Variants in TMTC2 observed in about 807,000 individuals in gnomAD.
The protein encoded by TMTC2 is transmembrane O-mannosyltransferase targeting cadherins 2.
TMTC2 carries 43 observed loss-of-function variants against 82.4 expected under a neutral mutation model. That is an observed-to-expected ratio of 0.52 (90% CI 0.41 to 0.67). TMTC2 has a LOEUF of 0.67. Ranked by LOEUF, TMTC2 falls within the 30% of genes least tolerant of loss-of-function variation. The probability of loss-of-function intolerance (pLI) is 0.00; values close to 1 mark genes in which losing one functional copy is unlikely to be tolerated. For synonymous variants in TMTC2, 408 were observed against 381.9 expected (o/e 1.07, Z -0.80); for missense variants, 919 against 1,012.4 (o/e 0.91, Z 1.25).
chr12:82,741,378 T>A (rs941782142), intron 1 of TMTC2, among the ~76,000 whole-genome samples: 4 of 152,196 alleles, frequency 2.6e-5, no homozygotes, highest in Non-Finnish European at 5.9e-5. Context: ...TGGCGTGATC[T>A]TGACTCAGTG....
At chr12:82,689,441 T>C (rs1260374053) in intron 1 of TMTC2, among the ~76,000 whole-genome samples, 2 of 152,212 alleles carry the variant, frequency 1.3e-5, no homozygotes, top group African/African-American at 4.8e-5. Context: ...ATAGAGTTTA[T>C]TTAAAAAAAG....
chr12:82,835,343 T>C (rs889317395), intron 1 of TMTC2, among the ~76,000 whole-genome samples: 19 of 152,232 alleles, frequency 1.2e-4, no homozygotes, highest in African/African-American at 4.6e-4. Context: ...TTGCACTGTA[T>C]TTTGTTGTTG....
chr12:83,109,231 A>G (rs570274220), intron 11 of TMTC2, among the ~76,000 whole-genome samples: 151 of 152,300 alleles, frequency 9.9e-4, no homozygotes, highest in African/African-American at 3.5e-3. Context: ...GGGCCTCAGG[A>G]AACCTTCAAT....
At chr12:82,794,736 T>G (rs1218965103) in intron 1 of TMTC2, among the ~76,000 whole-genome samples, 1 of 152,118 alleles carries the variant, frequency 6.6e-6, no homozygotes, top group South Asian at 2.1e-4. Context: ...CGGAGAGACA[T>G]GCCTTAGCTA....
intron 1 of TMTC2, among the ~76,000 whole-genome samples, chr12:82,826,714 T>C (rs1258979320): frequency 6.6e-6 from 1 of 152,170 alleles, no homozygotes; most frequent in African/African-American, 2.4e-5. Flanking sequence ...GTATGTGGTC[T>C]CCCTGATGAG....
At chr12:83,079,511 G>A (rs935592580) in intron 11 of TMTC2, among the ~76,000 whole-genome samples, 1 of 151,968 alleles carries the variant, frequency 6.6e-6, no homozygotes, top group Admixed American at 6.6e-5. Context: ...ACCATTTATT[G>A]TATTTTTGTT....
intron 4 of TMTC2, among the ~76,000 whole-genome samples, chr12:82,962,459 G>A (rs1055676448): frequency 6.6e-6 from 1 of 152,012 alleles, no homozygotes; most frequent in African/African-American, 2.4e-5. Flanking sequence ...ATAAGAATAG[G>A]TGGGCTTAGT....
intron 1 of TMTC2, among the ~76,000 whole-genome samples, chr12:82,726,926 G>A (rs1194603087): frequency 2.0e-5 from 3 of 147,668 alleles, no homozygotes; most frequent in Non-Finnish European, 4.5e-5. Flanking sequence ...CAAGCTTGGA[G>A]CTCAAATAGA....
At chr12:82,960,650 A>G (rs2046417) in intron 4 of TMTC2, among the ~76,000 whole-genome samples, 143,649 of 151,892 alleles carry the variant, frequency 0.95, 67,968 homozygotes, top group East Asian at 1. Flanking sequence ...GGAAAGGAGG[A>G]AGGGGAGCAA....
chr12:82,931,125 G>A (rs765192841), intron 4 of TMTC2, among the ~76,000 whole-genome samples: 24 of 151,926 alleles, frequency 1.6e-4, no homozygotes, highest in Admixed American at 2.6e-4. Context: ...GCCCAGACTG[G>A]TGCCTAACTC....
chr12:83,020,510 T>A (rs1422617414), intron 8 of TMTC2, among the ~76,000 whole-genome samples: 2 of 152,182 alleles, frequency 1.3e-5, no homozygotes, highest in Admixed American at 6.5e-5. Context: ...TTATTGTAAA[T>A]TTAATTCAAA....
At chr12:82,758,703 C>A (rs749810943) in intron 1 of TMTC2, 3 of 152,140 alleles carry the variant, frequency 2.0e-5, no homozygotes, top group Non-Finnish European at 2.9e-5. Flanking sequence ...TCCTTTCAAA[C>A]AGCAGTTTAA....
chr12:82,742,978 A>G (rs1248598356), intron 1 of TMTC2, among the ~76,000 whole-genome samples: 3 of 151,992 alleles, frequency 2.0e-5, no homozygotes, highest in Admixed American at 6.6e-5. Flanking sequence ...TTTCTGTGAC[A>G]GTTTTCATTG....
intron 11 of TMTC2, among the ~76,000 whole-genome samples, chr12:83,064,578 G>A (rs149709780): frequency 1.4e-3 from 213 of 151,888 alleles, no homozygotes; most frequent in African/African-American, 5.0e-3. Flanking sequence ...TGTGGTCTAG[G>A]TGAGTAAAAC....
chr12:82,942,402 C>T (rs1411038280), intron 4 of TMTC2, among the ~76,000 whole-genome samples: 1 of 152,168 alleles, frequency 6.6e-6, no homozygotes, highest in Non-Finnish European at 1.5e-5. Context: ...GGCTATGTAA[C>T]TGACTTTTGT....
intron 1 of TMTC2, among the ~76,000 whole-genome samples, chr12:82,820,882 A>G (rs770788014): frequency 1.3e-5 from 2 of 152,016 alleles, no homozygotes; most frequent in Non-Finnish European, 2.9e-5. Flanking sequence ...AAAATGAATT[A>G]TGACTATTTT....
At chr12:82,848,377 T>G (rs1751567640) in intron 1 of TMTC2, among the ~76,000 whole-genome samples, 1 of 152,150 alleles carries the variant, frequency 6.6e-6, no homozygotes, top group Non-Finnish European at 1.5e-5. Context: ...CTGGAAACTT[T>G]TGACCCTCTA....
At chr12:82,911,750 C>T (rs111627736) in intron 3 of TMTC2, among the ~76,000 whole-genome samples, 6 of 151,972 alleles carry the variant, frequency 3.9e-5, no homozygotes, top group Non-Finnish European at 7.4e-5. Context: ...TACAGGTGTG[C>T]GCCTGTAATT....
chr12:82,907,482 A>G (rs1874386717), intron 3 of TMTC2, among the ~76,000 whole-genome samples: 2 of 151,912 alleles, frequency 1.3e-5, no homozygotes, highest in African/African-American at 4.8e-5. Flanking sequence ...TCAAAAAAAA[A>G]AAAAGAATGA....
Sources: gnomAD v4.1 joint callset for allele counts (sites outside exome capture counted in the v4.1 genomes callset) on GRCh38, gnomAD v4.1.1 for gene constraint, MANE v1.5 for transcripts, NCBI Gene and HGNC (gene_info 2026-07-23, HGNC 2026-07-21) for gene names.